Variants in UNC45A observed in about 807,000 individuals in gnomAD.
UNC45A encodes the protein protein unc-45 homolog A.
In UNC45A, 78 loss-of-function variants were observed where a neutral mutation model predicts 103.2. The ratio of observed to expected loss-of-function variants is 0.76; its 90% CI spans 0.63 to 0.91. UNC45A has a LOEUF of 0.91. UNC45A is among the 40% of genes least tolerant of loss of function. The pLI, the probability that UNC45A is intolerant of heterozygous loss-of-function variation, is 0.00. For missense variants in UNC45A, 1,193 were observed against 1,224.8 expected, an observed-to-expected ratio of 0.97 and a Z score of 0.39; for synonymous variants, 495 against 504.6, an observed-to-expected ratio of 0.98 and a Z score of 0.25.
At chr15:90,930,359 T>G (rs2035747852), upstream of UNC45A, 1 of 152,310 alleles carries the variant, frequency 6.6e-6, no homozygotes, top group African/African-American at 2.4e-5. Context: ...TCCCTTCCGA[T>G]ACGTCTTTTC....
intron 17 of UNC45A, chr15:90,952,252 A>C (rs2036955312): frequency 6.6e-6 from 1 of 152,244 alleles, no homozygotes; most frequent in African/African-American, 2.4e-5. Context: ...TTATAAAGAA[A>C]AGAGATTTAA....
At chr15:90,935,110 G>A, upstream of UNC45A, 1 of 598,064 alleles carries the variant, frequency 1.7e-6, no homozygotes, top group Non-Finnish European at 2.9e-6. Flanking sequence ...GGTCTCTGCG[G>A]GGACAGCTTA....
Position 90,953,836 on chromosome 15 carries a change from C to A in UNC45A, c.*120C>A. On this transcript the variant is annotated 3_prime_UTR_variant, in exon 20 of 20. Transcript: ENST00000418476. ...TGCCCAATACTCTTGCCCATCCTCG[C>A]TTGCTGCCCTAGGATGTCCTCTGTT... The A allele has an allele frequency of 7.1e-7, 1 of 1,401,540 alleles. No individual in the cohort carries two copies. The highest frequency in any genetic ancestry group is 9.7e-7 in the Non-Finnish European group (1 of 1,035,502). The allele number at this position is 1,401,540 out of a possible 1,614,324, so 86.8% of individuals were successfully genotyped here.
At chr15:90,937,888 C>T (rs776499181) in intron 4 of UNC45A, among the ~76,000 whole-genome samples, 3 of 152,070 alleles carry the variant, frequency 2.0e-5, no homozygotes, top group Non-Finnish European at 4.4e-5. Flanking sequence ...CCTCTTCCTC[C>T]CGGGCTCAAG....
chr15:90,936,390 T>C lies in UNC45A; in HGVS notation c.356T>C (p.Val119Ala), dbSNP rs1014212696. The C allele has an allele frequency of 5.0e-6, 8 of 1,614,080 alleles. No homozygotes were observed. The African/African-American group carries it at 1.1e-4, about 22-fold the overall frequency. Residue 119 changes from valine (V) to alanine (A), a missense_variant, in exon 4 of 20, where the codon GTG becomes GCG. Transcript: ENST00000418476. ...GCTGTCCTTGACCTGCAGAGATGTG[T>C]GAGCTTGGAGCCCAAGAACAAAGTT... ...DQAVLDLQRCVSLEPKNKVFQ... is the reference protein window; with the variant it reads ...DQAVLDLQRCASLEPKNKVFQ...
rs1291732663 is a variant in UNC45A at position 90,944,989 on chromosome 15, C to T, written c.1125C>T (p.Leu375=). 8 of 1,613,048 alleles carry T rather than the reference C, an allele frequency of 5.0e-6. No homozygotes were observed. Among genetic ancestry groups the T allele is most frequent in the African/African-American group, 4.0e-5 (3 of 75,020 alleles). ...ANSRMSASIL[L]SKLFDDLKCD... Reference sequence around the variant, plus strand: ...GCCGCATGAGCGCCTCTATTCTCCTCAGCAAGCTCTTTGATGACCTCAAGT... The same window carrying T: ...GCCGCATGAGCGCCTCTATTCTCCTTAGCAAGCTCTTTGATGACCTCAAGT... Residue 375 remains leucine (L), a synonymous_variant, in exon 9 of 20, where the codon CTC becomes CTT. Transcript: ENST00000418476.
chr15:90,944,214 G>A lies in UNC45A; in HGVS notation c.1028-678G>A, dbSNP rs555650167. Among the ~76,000 whole-genome samples, 107 of 151,752 alleles carry A rather than the reference G, an allele frequency of 7.1e-4. 1 individual carries two copies. Among genetic ancestry groups the A allele is most frequent in the South Asian group, 4.4e-3 (21 of 4,796 alleles). Reference sequence around the variant, plus strand: ...AGCCTGGCCGACATGGTGAAACCCCGTCTCTACTAAAAGATACAAAAAATT... The same window carrying A: ...AGCCTGGCCGACATGGTGAAACCCCATCTCTACTAAAAGATACAAAAAATT... On this transcript the variant is annotated intron_variant, in intron 8 of 19. Transcript: ENST00000418476.
chr15:90,952,956 G>A lies in UNC45A; in HGVS notation c.2331G>A (p.Val777=). The change falls in exon 18 of 20, where the codon GTG becomes GTA. Residue 777 remains valine, a synonymous_variant. Coordinates refer to ENST00000418476, the MANE Select transcript of UNC45A (RefSeq NM_018671.5). ...AGAAGATCCTGAAGGAGAAGGCTGT[G>A]CCCATGATAGAAGGCTACATGTTTG... ...LRQKILKEKA[V]PMIEGYMFEE... 1 of 1,613,308 alleles carries A rather than the reference G, an allele frequency of 6.2e-7. No individual in the cohort carries two copies. Among genetic ancestry groups the A allele is most frequent in the Non-Finnish European group, 8.5e-7 (1 of 1,180,030 alleles).
chr15:90,953,387 G>T, intron 19 of UNC45A, 72 bp from the exon 20 acceptor site: 1 of 1,598,062 alleles, frequency 6.3e-7, no homozygotes, highest in Non-Finnish European at 8.5e-7. Context: ...CAGTCCTAGG[G>T]TGTGTGGGTG....
At chr15:90,948,069 T>C in intron 11 of UNC45A, 73 bp from the exon 12 acceptor site, 1 of 1,593,942 alleles carries the variant, frequency 6.3e-7, no homozygotes, top group Non-Finnish European at 8.5e-7. Flanking sequence ...CCCTTGGTTT[T>C]TCCCCCTTGG....
chr15:90,943,836 G>A (rs546604758), intron 8 of UNC45A, among the ~76,000 whole-genome samples: 14 of 151,878 alleles, frequency 9.2e-5, no homozygotes, highest in African/African-American at 2.9e-4. Flanking sequence ...TTATAGGCAC[G>A]CATCAGTATG....
At chr15:90,943,683 A>C (rs902072090) in intron 8 of UNC45A, among the ~76,000 whole-genome samples, 10 of 151,650 alleles carry the variant, frequency 6.6e-5, no homozygotes, top group African/African-American at 2.4e-4. Context: ...AGGCTGGATT[A>C]GCTTTCTGTA....
upstream of UNC45A, chr15:90,934,158 C>T: frequency 7.5e-6 from 3 of 399,332 alleles, no homozygotes; most frequent in Non-Finnish European, 1.3e-5. Context: ...AGCACTTACC[C>T]CTGTGGCCCA....
At chr15:90,936,869 T>C (rs916937837) in intron 4 of UNC45A, among the ~76,000 whole-genome samples, 1 of 152,226 alleles carries the variant, frequency 6.6e-6, no homozygotes, top group African/African-American at 2.4e-5. Flanking sequence ...CAAGTAGACA[T>C]GTGTATGTTT....
chr15:90,947,931 T>C, intron 11 of UNC45A, 41 bp downstream of exon 11: 1 of 1,575,574 alleles, frequency 6.3e-7, no homozygotes, highest in Non-Finnish European at 8.7e-7. Context: ...ACCTGTGGGG[T>C]AGATCTCAAG....
chr15:90,940,198 A>T, intron 5 of UNC45A, 108 bp from the exon 6 acceptor site: 1 of 1,286,636 alleles, frequency 7.8e-7, no homozygotes, highest in South Asian at 1.5e-5. Context: ...TGGTCACTCA[A>T]CTGTGAAGTG....
In UNC45A at chr15:90,952,946, A is replaced by G. The variant is rs138633260; in HGVS notation, c.2321A>G (p.Glu774Gly). ...CCCTGCAGGCAGAAGATCCTGAAGG[A>G]GAAGGCTGTGCCCATGATAGAAGGC... is the stretch of plus-strand genomic sequence containing the variant. ...SERLRQKILK[E>G]KAVPMIEGYM... The change falls in exon 18 of 20, where the codon GAG becomes GGG. Residue 774 changes from glutamate to glycine, a missense_variant. Transcript: ENST00000418476. The G allele has an allele frequency of 8.7e-6, 14 of 1,613,006 alleles. No homozygotes were observed. The African/African-American group carries it at 1.9e-4, about 22-fold the overall frequency.
intron 8 of UNC45A, among the ~76,000 whole-genome samples, 180 bp from the exon 9 acceptor site, chr15:90,944,712 C>T (rs370050826): frequency 6.6e-6 from 1 of 152,382 alleles, no homozygotes; most frequent in South Asian, 2.1e-4. Context: ...CCCGATCCTA[C>T]AGCCGCCTCC....
At chr15:90,950,657 G>A (rs1296540463) in intron 17 of UNC45A, 42 bp downstream of exon 17, 2 of 1,587,362 alleles carry the variant, frequency 1.3e-6, no homozygotes, top group Non-Finnish European at 1.7e-6. Context: ...CAGGCATCGG[G>A]ATTCGGAATA....
Sources: allele counts gnomAD v4.1 joint callset (sites outside exome capture counted in the v4.1 genomes callset), GRCh38; gene constraint gnomAD v4.1.1; transcripts MANE v1.5; gene names NCBI Gene and HGNC (gene_info 2026-07-23, HGNC 2026-07-21).